The following MARCHF8 variants were observed in gnomAD, a reference collection of about 807,000 sequenced individuals.
MARCHF8 encodes membrane associated ring-CH-type finger 8, also known as E3 ubiquitin-protein ligase MARCHF8.
Under a neutral mutation model 51.6 loss-of-function variants are expected in MARCHF8, and 40 were observed. The ratio of observed to expected loss-of-function variants is 0.77; its 90% CI spans 0.60 to 1.01. The LOEUF is 1.01. Among genes scored for constraint, MARCHF8 ranks in the 50% least tolerant of loss-of-function variants. The pLI, the probability that MARCHF8 is intolerant of heterozygous loss-of-function variation, is 0.00. For missense variants in MARCHF8, 685 were observed against 708.6 expected (o/e 0.97, Z 0.38); for synonymous variants, 263 against 280.3 (o/e 0.94, Z 0.62).
rs1266838251 is a variant in MARCHF8 at position 45,512,948 on chromosome 10, CAT to C, written c.102+20160_102+20161del. ...ACCCCCAACCCTGTGCTCTCTGAAA[CAT>C]GTGCTGTGTCCACTCAGGGTTAAAT... On this transcript the variant is annotated intron_variant, in intron 2 of 7. Transcript: ENST00000453424. Among the ~76,000 whole-genome samples the C allele has an allele frequency of 3.3e-5, 5 of 151,808 alleles. No individual in the cohort carries two copies. The South Asian group carries it at 1.0e-3, about 32-fold the overall frequency.
At chr10:45,521,017 G>C (rs989239970) in intron 2 of MARCHF8, among the ~76,000 whole-genome samples, 4 of 152,024 alleles carry the variant, frequency 2.6e-5, no homozygotes, top group Non-Finnish European at 2.9e-5. Context: ...CTAAACCTGT[G>C]AACAGCTAAA....
At position 45,512,844 on chromosome 10, in the gene MARCHF8, G is replaced by A. The variant is rs184909368; in HGVS notation, c.102+20266C>T. Among the ~76,000 whole-genome samples the A allele has an allele frequency of 5.4e-3, 825 of 152,242 alleles. 10 individuals carry two copies. Among genetic ancestry groups the A allele is most frequent in the Non-Finnish European group, 8.9e-3 (605 of 67,998 alleles). ...GGTTGCCGTGTCTGTGTAGAAAGAA[G>A]TAGACATGGGAGACTTTTCATTTTG... On this transcript the variant is annotated intron_variant, in intron 2 of 7. Coordinates refer to ENST00000453424, the MANE Select transcript of MARCHF8 (RefSeq NM_001282866.2).
chr10:45,460,406 C>T, intron 6 of MARCHF8, among the ~76,000 whole-genome samples: 1 of 152,192 alleles, frequency 6.6e-6, no homozygotes, highest in Non-Finnish European at 1.5e-5. Context: ...CGCTCCACTT[C>T]CCCAGCACTC....
At chr10:45,466,294 G>A (rs1415086284) in intron 3 of MARCHF8, among the ~76,000 whole-genome samples, 4 of 152,166 alleles carry the variant, frequency 2.6e-5, no homozygotes, top group Admixed American at 2.6e-4. Flanking sequence ...AAGCCTTCCT[G>A]TACTTATTGC....
intron 1 of MARCHF8, among the ~76,000 whole-genome samples, chr10:45,574,537 G>A (rs2044467559): frequency 6.6e-6 from 1 of 152,128 alleles, no homozygotes; most frequent in Admixed American, 6.5e-5. Flanking sequence ...ACACCCATCA[G>A]GCTCAGCAAA....
intron 1 of MARCHF8, among the ~76,000 whole-genome samples, chr10:45,552,055 T>C (rs1161090514): frequency 6.6e-6 from 1 of 152,200 alleles, no homozygotes; most frequent in Non-Finnish European, 1.5e-5. Flanking sequence ...TAGTATTCCC[T>C]ACGGTGTTCC....
intron 2 of MARCHF8, among the ~76,000 whole-genome samples, chr10:45,522,252 C>A (rs1473000548): frequency 2.6e-5 from 4 of 152,156 alleles, no homozygotes; most frequent in Non-Finnish European, 5.9e-5. Flanking sequence ...GGGGTGACAA[C>A]TCTCAGTGGA....
chr10:45,523,120 T>C (rs1303922960), intron 2 of MARCHF8, among the ~76,000 whole-genome samples: 1 of 152,246 alleles, frequency 6.6e-6, no homozygotes, highest in South Asian at 2.1e-4. Context: ...TGCTGTTTTA[T>C]TCATGTGTAA....
chr10:45,463,989 C>T lies in MARCHF8; in HGVS notation c.250G>A (p.Ala84Thr). Residue 84 changes from alanine (A) to threonine (T), a missense_variant, in exon 5 of 8, where the codon GCA (alanine) becomes ACA (threonine). Ala to Thr is a moderately conservative substitution (Grantham distance 58). Coordinates refer to ENST00000453424, the MANE Select transcript of MARCHF8 (RefSeq NM_001282866.2). ...PSSQDICSSS[A>T]VFSECCHHSS... ...TGGTGACAACACTCAGAAAACACTG[C>T]ACTGGAACTGCATGCAGAACAGTGG... The T allele has an allele frequency of 1.3e-6, 2 of 1,534,280 alleles. No individual in the cohort carries two copies. The highest frequency in any genetic ancestry group is 1.4e-5 in the African/African-American group (1 of 73,046).
intron 1 of MARCHF8, among the ~76,000 whole-genome samples, chr10:45,554,418 T>C (rs892698593): frequency 2.6e-5 from 4 of 152,220 alleles, no homozygotes; most frequent in African/African-American, 4.8e-5. Context: ...ACAACCAATC[T>C]GTAGTTTCCA....
intron 1 of MARCHF8, among the ~76,000 whole-genome samples, chr10:45,587,088 G>T (rs995693248): frequency 1.3e-5 from 2 of 152,028 alleles, no homozygotes; most frequent in African/African-American, 4.8e-5. Context: ...CATAATATTG[G>T]ACTTGAGGTC....
intron 3 of MARCHF8, among the ~76,000 whole-genome samples, chr10:45,472,816 T>C (rs112950969): frequency 0.019 from 2,887 of 152,314 alleles, 39 homozygotes; most frequent in Non-Finnish European, 0.028. Context: ...ACGGAAACAC[T>C]GCCTCAGTGC....
intron 2 of MARCHF8, among the ~76,000 whole-genome samples, chr10:45,524,260 A>C (rs2043755376): frequency 6.6e-6 from 1 of 152,224 alleles, no homozygotes; most frequent in East Asian, 1.9e-4. Context: ...TTTAGTAAAG[A>C]AGTCATCTTT....
At chr10:45,498,737 A>G (rs1049181059) in intron 2 of MARCHF8, among the ~76,000 whole-genome samples, 2 of 152,240 alleles carry the variant, frequency 1.3e-5, no homozygotes, top group Non-Finnish European at 2.9e-5. Flanking sequence ...CGGCCTCCCA[A>G]AGTGCTAGAA....
At chr10:45,493,387 G>C (rs918596591) in intron 2 of MARCHF8, among the ~76,000 whole-genome samples, 2 of 152,122 alleles carry the variant, frequency 1.3e-5, no homozygotes, top group African/African-American at 4.8e-5. Context: ...GTGACCCCAG[G>C]AGAGATGGAA....
chr10:45,518,526 G>A (rs2043655996), intron 2 of MARCHF8, among the ~76,000 whole-genome samples: 1 of 152,162 alleles, frequency 6.6e-6, no homozygotes, highest in Admixed American at 6.5e-5. Context: ...TAAAGACTCT[G>A]ATCTGAAGAA....
At chr10:45,518,742 G>A (rs955858416) in intron 2 of MARCHF8, among the ~76,000 whole-genome samples, 1 of 152,156 alleles carries the variant, frequency 6.6e-6, no homozygotes, top group Admixed American at 6.5e-5. Context: ...TGCCAATCCT[G>A]CTGATCTCAG....
chr10:45,493,357 TTA>T (rs2043118478), intron 2 of MARCHF8, among the ~76,000 whole-genome samples: 2 of 152,228 alleles, frequency 1.3e-5, no homozygotes, highest in South Asian at 4.1e-4. Flanking sequence ...CAGTCACTGC[TTA>T]CTGGATACCA....
chr10:45,536,358 A>C (rs1334276665), upstream of MARCHF8, among the ~76,000 whole-genome samples: 1 of 152,106 alleles, frequency 6.6e-6, no homozygotes, highest in Non-Finnish European at 1.5e-5. Context: ...CATGCAAAAG[A>C]AATTTGGATC....
Sources: gnomAD v4.1 joint callset for allele counts (sites outside exome capture counted in the v4.1 genomes callset) on GRCh38, gnomAD v4.1.1 for gene constraint, MANE v1.5 for transcripts, NCBI Gene and HGNC (gene_info 2026-07-23, HGNC 2026-07-21) for gene names.